The following TENM4 variants were observed in gnomAD, a reference collection of about 807,000 sequenced individuals.
TENM4 encodes the protein teneurin-4.
TENM4 carries 82 observed loss-of-function variants against 243.3 expected under a neutral mutation model. That is an observed-to-expected ratio of 0.34 (90% CI 0.28 to 0.40). The LOEUF is 0.40. TENM4 is among the 10% of genes least tolerant of loss of function. The probability of loss-of-function intolerance (pLI) is 1.00; values close to 1 mark genes in which losing one functional copy is unlikely to be tolerated. For synonymous variants in TENM4, 1,412 were observed against 1,456.3 expected, an observed-to-expected ratio of 0.97 and a Z score of 0.69; for missense variants, 3,138 against 3,673.3, an observed-to-expected ratio of 0.85 and a Z score of 3.77.
chr11:79,175,786 A>G (rs1863147167), intron 3 of TENM4, among the ~76,000 whole-genome samples: 2 of 152,226 alleles, frequency 1.3e-5, no homozygotes, highest in South Asian at 4.1e-4. Flanking sequence ...ATATCACAAT[A>G]AAATATATTT....
At chr11:79,387,654 T>G (rs1858145707) in intron 1 of TENM4, among the ~76,000 whole-genome samples, 1 of 151,948 alleles carries the variant, frequency 6.6e-6, no homozygotes. Context: ...CTATTGAAAC[T>G]CTCTAATATC....
intron 2 of TENM4, among the ~76,000 whole-genome samples, 188 bp downstream of exon 2, chr11:79,297,300 A>G (rs1170110210): frequency 6.6e-6 from 1 of 152,216 alleles, no homozygotes; most frequent in Non-Finnish European, 1.5e-5. Context: ...AGCAAACAGA[A>G]GCCACAAGTG....
At chr11:78,915,933 A>T (rs1044916484) in intron 6 of TENM4, among the ~76,000 whole-genome samples, 1 of 152,214 alleles carries the variant, frequency 6.6e-6, no homozygotes, top group Non-Finnish European at 1.5e-5. Flanking sequence ...CAGGTTGGCT[A>T]AAAGGTCGCT....
chr11:79,251,829 A>T (rs1855616697), intron 2 of TENM4, among the ~76,000 whole-genome samples: 1 of 152,128 alleles, frequency 6.6e-6, no homozygotes, highest in Non-Finnish European at 1.5e-5. Flanking sequence ...AAACATTATC[A>T]CTAAAATTAA....
At chr11:78,764,416 G>A (rs932889078) in intron 18 of TENM4, among the ~76,000 whole-genome samples, 3 of 152,196 alleles carry the variant, frequency 2.0e-5, no homozygotes, top group Non-Finnish European at 4.4e-5. Context: ...AAGCCCTGTC[G>A]CCTCTCCACG....
At chr11:78,676,121 G>A in intron 30 of TENM4, 31 bp downstream of exon 30, 1 of 1,461,880 alleles carries the variant, frequency 6.8e-7, no homozygotes, top group Non-Finnish European at 9.1e-7. Context: ...TTTCCCCCCA[G>A]GACGCAGCCA....
At chr11:78,900,390 T>G (rs546545593) in intron 7 of TENM4, among the ~76,000 whole-genome samples, 2 of 152,342 alleles carry the variant, frequency 1.3e-5, no homozygotes, top group Non-Finnish European at 2.9e-5. Flanking sequence ...CCATCACTTG[T>G]ACCCTCAGAA....
At chr11:78,690,607 T>C (rs997921279) in intron 28 of TENM4, among the ~76,000 whole-genome samples, 7 of 152,156 alleles carry the variant, frequency 4.6e-5, no homozygotes, top group Non-Finnish European at 1.0e-4. Context: ...GTCTCACTTA[T>C]AGGGCAAGTT....
rs528196614 is a variant in TENM4, at chr11:79,350,505, C to G, written c.-320-52962G>C. Among the ~76,000 whole-genome samples the G allele has an allele frequency of 2.6e-5, 4 of 151,346 alleles. No homozygotes were observed. In the South Asian group the frequency reaches 6.3e-4, roughly 24 times the overall value. ...AGTGCAGTGGCACAATCACAGCTCACTGCAGCCTCGAACATCTGGACTTCA... is the reference window on the plus strand; with the variant it reads ...AGTGCAGTGGCACAATCACAGCTCAGTGCAGCCTCGAACATCTGGACTTCA... On this transcript the variant is annotated intron_variant, in intron 1 of 33. Transcript: ENST00000278550.
At chr11:78,826,134 C>A (rs1049763160) in intron 12 of TENM4, among the ~76,000 whole-genome samples, 1 of 127,236 alleles carries the variant, frequency 7.9e-6, no homozygotes, top group African/African-American at 3.0e-5. Flanking sequence ...GTTGCCCAGG[C>A]TGGAGTGCAG....
rs144583675 is a variant in TENM4, at chr11:78,857,449, G to A, written c.1256-1271C>T. Among the ~76,000 whole-genome samples the A allele has an allele frequency of 8.7e-4, 132 of 152,276 alleles. 1 individual carries two copies. In the East Asian group the frequency reaches 0.021, roughly 24 times the overall value. On this transcript the variant is annotated intron_variant, in intron 10 of 33. Coordinates refer to ENST00000278550, the MANE Select transcript of TENM4 (RefSeq NM_001098816.3). ...TTTGATGCTGAAATGAAGCCTGGCA[G>A]GGCATTGTTGTAGTCATAAAACATT...
intron 3 of TENM4, among the ~76,000 whole-genome samples, chr11:79,189,142 A>C (rs1185573915): frequency 6.6e-6 from 1 of 152,250 alleles, no homozygotes; most frequent in Admixed American, 6.5e-5. Flanking sequence ...TATGGCACAG[A>C]ATGCAAAATT....
intron 1 of TENM4, among the ~76,000 whole-genome samples, chr11:79,322,574 A>T (rs1170932345): frequency 2.0e-5 from 3 of 152,126 alleles, no homozygotes. Context: ...AAGGAATTCT[A>T]CACTCTCCCC....
chr11:78,717,792 T>C (rs1859556269), intron 25 of TENM4, among the ~76,000 whole-genome samples: 2 of 152,252 alleles, frequency 1.3e-5, no homozygotes, highest in South Asian at 4.1e-4. Context: ...TCTGAGTTAA[T>C]ATAATATGTG....
intron 1 of TENM4, among the ~76,000 whole-genome samples, chr11:79,401,808 T>C (rs2135557161): frequency 6.6e-6 from 1 of 152,202 alleles, no homozygotes; most frequent in African/African-American, 2.4e-5. Context: ...CCAGAGGAGA[T>C]ATGACAAGCT....
At chr11:79,088,742 T>A (rs1860877133) in intron 4 of TENM4, among the ~76,000 whole-genome samples, 1 of 152,242 alleles carries the variant, frequency 6.6e-6, no homozygotes, top group African/African-American at 2.4e-5. Flanking sequence ...TTAAGACGAA[T>A]GTTCCTGTTC....
chr11:79,267,292 T>A (rs1855898769), intron 2 of TENM4, among the ~76,000 whole-genome samples: 1 of 152,194 alleles, frequency 6.6e-6, no homozygotes, highest in African/African-American at 2.4e-5. Flanking sequence ...TCTCCATATG[T>A]CTACTCTTGA....
chr11:78,866,308 A>G (rs965359322), intron 9 of TENM4, among the ~76,000 whole-genome samples: 2 of 152,240 alleles, frequency 1.3e-5, no homozygotes, highest in Non-Finnish European at 2.9e-5. Flanking sequence ...CAATTATCTC[A>G]TCTAAGTGTG....
intron 12 of TENM4, among the ~76,000 whole-genome samples, chr11:78,819,678 T>C (rs1857684260): frequency 6.6e-6 from 1 of 152,194 alleles, no homozygotes; most frequent in Non-Finnish European, 1.5e-5. Flanking sequence ...CTCGACACTC[T>C]CATTCTCTCC....
Sources: gnomAD v4.1 joint callset for allele counts (sites outside exome capture counted in the v4.1 genomes callset) on GRCh38, gnomAD v4.1.1 for gene constraint, MANE v1.5 for transcripts, NCBI Gene and HGNC (gene_info 2026-07-23, HGNC 2026-07-21) for gene names.